The following MIA2 variants were observed in gnomAD, a reference collection of about 807,000 sequenced individuals.
MIA2 encodes the protein MIA SH3 domain ER export factor 2, also known as melanoma inhibitory activity protein 2.
MIA2 carries 127 observed loss-of-function variants against 167.8 expected under a neutral mutation model. The observed-to-expected ratio is 0.76, with a 90% CI of 0.66 to 0.88. The LOEUF (loss-of-function observed/expected upper bound fraction) is 0.88, where lower values mean the gene tolerates loss of function less well. Ranked by LOEUF, MIA2 falls within the 40% of genes least tolerant of loss-of-function variation. The pLI, the probability that MIA2 is intolerant of heterozygous loss-of-function variation, is 0.00. For synonymous variants in MIA2, 552 were observed against 541.9 expected (o/e 1.02, Z -0.26); for missense variants, 1,690 against 1,624.7 (o/e 1.04, Z -0.69).
At chr14:39,277,946 C>G (rs2058416992) in intron 7 of MIA2, among the ~76,000 whole-genome samples, 1 of 150,602 alleles carries the variant, frequency 6.6e-6, no homozygotes, top group African/African-American at 2.4e-5. Context: ...GTCCATGTCA[C>G]TCTGCCCAGC....
At chr14:39,272,620 T>C (rs1034362087) in intron 6 of MIA2, among the ~76,000 whole-genome samples, 5 of 152,122 alleles carry the variant, frequency 3.3e-5, no homozygotes, top group Non-Finnish European at 4.4e-5. Context: ...CAAAAATTAG[T>C]TGGGCAAGGT....
chr14:39,301,979 A>G (rs1026017746), intron 14 of MIA2, 150 bp from the exon 15 acceptor site: 42 of 896,888 alleles, frequency 4.7e-5, no homozygotes, highest in Middle Eastern at 6.8e-4. Flanking sequence ...TCTCAAGACT[A>G]CAATATCTTA....
At chr14:39,267,641 C>G in intron 6 of MIA2, 2 of 1,181,038 alleles carry the variant, frequency 1.7e-6, no homozygotes, top group Non-Finnish European at 2.4e-6. Context: ...CGAAGCCAGT[C>G]CTCGTCTGCT....
intron 27 of MIA2, among the ~76,000 whole-genome samples, chr14:39,348,013 C>G (rs1268993861): frequency 6.6e-6 from 1 of 151,786 alleles, no homozygotes; most frequent in African/African-American, 2.4e-5. Context: ...GAGTTTCACC[C>G]TGTTGGCGAG....
chr14:39,276,925 A>T lies in MIA2; in HGVS notation c.1888-9A>T. The T allele has an allele frequency of 6.2e-7, 1 of 1,606,262 alleles. No individual in the cohort carries two copies. The highest frequency in any genetic ancestry group is 8.5e-7 in the Non-Finnish European group (1 of 1,178,270). On this transcript the variant is annotated splice_polypyrimidine_tract_variant and intron_variant, in intron 6 of 28. Transcript: ENST00000640607. ...CATTTTTAAGAACTTACTTTTCTTT[A>T]TCTTGAAGGTTGTGGCAGCACTGCC...
At chr14:39,252,660 A>G (rs2054631857) in intron 4 of MIA2, 88 bp from the exon 5 acceptor site, 2 of 948,398 alleles carry the variant, frequency 2.1e-6, no homozygotes, top group African/African-American at 1.7e-5. Flanking sequence ...ACAAAAGTTC[A>G]GAAAAATGAC....
chr14:39,373,658 T>G (rs1407013325), intron 23 of MIA2, among the ~76,000 whole-genome samples: 1 of 151,766 alleles, frequency 6.6e-6, no homozygotes, highest in Non-Finnish European at 1.5e-5. Flanking sequence ...TTGTCTCTAT[T>G]AAAAATACAA....
In MIA2 at chr14:39,350,440, T is replaced by C; in HGVS notation, c.*176T>C. The C allele has an allele frequency of 4.5e-6, 2 of 443,484 alleles. No homozygotes were observed. Among genetic ancestry groups the C allele is most frequent in the Non-Finnish European group, 8.1e-6 (2 of 247,606 alleles). 27.5% of individuals were successfully genotyped at this position (443,484 alleles called of 1,614,324 possible). On this transcript the variant is annotated 3_prime_UTR_variant, in exon 29 of 29. Transcript: ENST00000640607. Reference sequence around the variant, plus strand: ...AAATATGAATCTTATGAGTAAATTATTTCAATTTTATTTTAGACGGTATAA... The same window carrying C: ...AAATATGAATCTTATGAGTAAATTACTTCAATTTTATTTTAGACGGTATAA...
At position 39,247,342 on chromosome 14, in the gene MIA2, A is replaced by G; in HGVS notation, c.768A>G (p.Ile256Met). 1 of 1,614,136 alleles carries G rather than the reference A, an allele frequency of 6.2e-7. No homozygotes were observed. Among genetic ancestry groups the G allele is most frequent in the Non-Finnish European group, 8.5e-7 (1 of 1,180,018 alleles). Reference protein sequence around the residue: ...VQESSFRSRKIAVEDENDLEE... With the variant: ...VQESSFRSRKMAVEDENDLEE... ...AAAGCTCATTTCGGAGTAGAAAAAT[A>G]GCAGTGGAAGATGAGAATGACCTAG... Residue 256 changes from isoleucine (I) to methionine (M), a missense_variant, in exon 4 of 29, where the codon ATA becomes ATG. Physicochemically the swap from Ile to Met is conservative, Grantham distance 10. Coordinates refer to ENST00000640607, the MANE Select transcript of MIA2 (RefSeq NM_001329214.4).
intron 3 of MIA2, among the ~76,000 whole-genome samples, chr14:39,246,050 G>A (rs914880360): frequency 1.3e-5 from 2 of 149,254 alleles, no homozygotes; most frequent in Admixed American, 1.3e-4. Context: ...GATTGCCTCT[G>A]CTTCTCAAAC....
intron 21 of MIA2, among the ~76,000 whole-genome samples, chr14:39,317,452 T>G (rs534930007): frequency 6.6e-6 from 1 of 152,104 alleles, no homozygotes; most frequent in Non-Finnish European, 1.5e-5. Context: ...CCCAATCAGA[T>G]AGAACCCAGG....
In MIA2 at chr14:39,350,275, G is replaced by A; in HGVS notation, c.*11G>A. The A allele has an allele frequency of 7.4e-7, 1 of 1,359,954 alleles. No individual in the cohort carries two copies. 84.2% of individuals were successfully genotyped at this position (1,359,954 alleles called of 1,614,324 possible). ...CAGCAAGAAACCTGACAATATTTTT[G>A]CTCTCTTCAAAAGTAATTTTGACTG... On this transcript the variant is annotated 3_prime_UTR_variant, in exon 29 of 29. Coordinates refer to ENST00000640607, the MANE Select transcript of MIA2 (RefSeq NM_001329214.4).
At position 39,252,787 on chromosome 14, in the gene MIA2, A is replaced by C; in HGVS notation, c.1607A>C (p.Glu536Ala). The change falls in exon 5 of 29, where the codon GAA (glutamate) becomes GCA (alanine). Residue 536 changes from glutamate (E) to alanine (A), a missense_variant. By Grantham distance (107) the Glu-to-Ala change is moderately radical. Coordinates refer to ENST00000640607, the MANE Select transcript of MIA2 (RefSeq NM_001329214.4). The stretch of plus-strand genomic sequence containing the variant: ...ATAGAGTTACCTACGAGAATTCACG[A>C]AGAAGTATATTTTGAACCCTCATCT... ...SNIELPTRIH[E>A]EVYFEPSSSK... 1 of 1,613,682 alleles carries C rather than the reference A, an allele frequency of 6.2e-7. No homozygotes were observed. Among genetic ancestry groups the C allele is most frequent in the Non-Finnish European group, 8.5e-7 (1 of 1,179,746 alleles).
In MIA2 at chr14:39,240,569, G is replaced by A. The variant is rs2152610713; in HGVS notation, c.258G>A (p.Lys86=). 3 of 1,609,890 alleles carry A rather than the reference G, an allele frequency of 1.9e-6. No individual in the cohort carries two copies. Among genetic ancestry groups the A allele is most frequent in the Non-Finnish European group, 2.5e-6 (3 of 1,176,696 alleles). The change falls in exon 3 of 29, where the codon AAG becomes AAA. Residue 86 remains lysine (K), a synonymous_variant. Coordinates refer to ENST00000640607, the MANE Select transcript of MIA2 (RefSeq NM_001329214.4). ...GTTCTTCATTTTGACAGAAAGGAAA[G>A]GAGTTTGGATATTTTCCCAGAGATG... The part of the protein sequence containing the change: ...REDLWAGSKG[K]EFGYFPRDAV...
chr14:39,272,338 C>T (rs529014485), intron 6 of MIA2, among the ~76,000 whole-genome samples: 26 of 151,368 alleles, frequency 1.7e-4, no homozygotes, highest in South Asian at 1.5e-3. Context: ...GGTGACAGGG[C>T]GAGACTCCAT....
At position 39,247,282 on chromosome 14, in the gene MIA2, G is replaced by A; in HGVS notation, c.708G>A (p.Glu236=). Residue 236 remains glutamate (E), a synonymous_variant, in exon 4 of 29, where the codon GAG becomes GAA. Transcript: ENST00000640607. ...GATTGGGAGGAGAACAAGCTGAAGA[G>A]AAGGCTTTTGAATCAGTTATTGAAC... The part of the protein sequence containing the change: ...WFGLGGEQAE[E]KAFESVIEPV... 6.2e-7 allele frequency: 1 copy of A among 1,613,866 alleles called. No homozygotes were observed. Among genetic ancestry groups the A allele is most frequent in the Middle Eastern group, 1.6e-4 (1 of 6,062 alleles).
At chr14:39,269,053 C>T (rs2056590111) in intron 6 of MIA2, 3 of 594,586 alleles carry the variant, frequency 5.0e-6, no homozygotes, top group Non-Finnish European at 6.2e-6. Flanking sequence ...TAGTCTGGTG[C>T]GTTGTATCTT....
Position 39,301,141 on chromosome 14 carries a change from A to C in MIA2, c.2620-988A>C, listed in dbSNP as rs1390297657. ...AATGGCACCATCTCGGCTCATTGCAACCTCTGCCTCGTGGGTTCAAGTGAT... is the reference window on the plus strand; with the variant it reads ...AATGGCACCATCTCGGCTCATTGCACCCTCTGCCTCGTGGGTTCAAGTGAT... On this transcript the variant is annotated intron_variant, in intron 14 of 28. Coordinates refer to ENST00000640607, the MANE Select transcript of MIA2 (RefSeq NM_001329214.4). Among the ~76,000 whole-genome samples, 3 of 151,416 alleles carry C rather than the reference A, an allele frequency of 2.0e-5. No homozygotes were observed. The East Asian group carries it at 5.8e-4, about 29-fold the overall frequency.
intron 28 of MIA2, among the ~76,000 whole-genome samples, chr14:39,349,331 A>T (rs924485744): frequency 6.6e-6 from 1 of 152,240 alleles, no homozygotes; most frequent in Non-Finnish European, 1.5e-5. Flanking sequence ...ATATTCTAGC[A>T]TTAAAATTAC....
Sources: gnomAD v4.1 joint callset for allele counts (sites outside exome capture counted in the v4.1 genomes callset) on GRCh38, gnomAD v4.1.1 for gene constraint, MANE v1.5 for transcripts, NCBI Gene and HGNC (gene_info 2026-07-23, HGNC 2026-07-21) for gene names.